Variants in ASH2L observed in about 807,000 individuals in gnomAD.
ASH2L encodes the protein ASH2 like, histone lysine methyltransferase complex subunit.
A neutral mutation model predicts 81.1 loss-of-function variants in ASH2L; 30 were observed. That is an observed-to-expected ratio of 0.37 (90% CI 0.28 to 0.50). The LOEUF (loss-of-function observed/expected upper bound fraction) is 0.50, where lower values mean the gene tolerates loss of function less well. ASH2L is among the 20% of genes least tolerant of loss of function. The probability of loss-of-function intolerance (pLI) is 0.95; values close to 1 mark genes in which losing one functional copy is unlikely to be tolerated. For missense variants in ASH2L, 559 were observed against 792.1 expected, an observed-to-expected ratio of 0.71 and a Z score of 3.53; for synonymous variants, 273 against 279.9, an observed-to-expected ratio of 0.98 and a Z score of 0.24.
chr8:38,133,391 G>T, intron 12 of ASH2L, 63 bp from the exon 13 acceptor site: 4 of 1,211,572 alleles, frequency 3.3e-6, no homozygotes, highest in Non-Finnish European at 4.8e-6. Flanking sequence ...GTGCGGATGC[G>T]TTTTTTTCAT....
chr8:38,124,730 C>T (rs1801765295), intron 10 of ASH2L: 1 of 152,168 alleles, frequency 6.6e-6, no homozygotes, highest in Admixed American at 6.5e-5. Context: ...CACATAATGG[C>T]CTGGTAATAA....
chr8:38,110,082 A>T (rs1810620702), intron 3 of ASH2L, among the ~76,000 whole-genome samples: 1 of 152,196 alleles, frequency 6.6e-6, no homozygotes, highest in South Asian at 2.1e-4. Flanking sequence ...AGGGGAATGG[A>T]TTCATGTTAA....
chr8:38,131,059 T>A (rs1310578198), intron 12 of ASH2L, among the ~76,000 whole-genome samples: 2 of 152,244 alleles, frequency 1.3e-5, no homozygotes, highest in African/African-American at 4.8e-5. Context: ...GATCTGTTTC[T>A]TGTCCTTTAT....
chr8:38,129,054 C>T (rs573386560), intron 12 of ASH2L, 103 bp downstream of exon 12: 50 of 1,478,400 alleles, frequency 3.4e-5, no homozygotes, highest in Admixed American at 1.3e-4. Flanking sequence ...CCACAGCTCA[C>T]GTTTTTTCCT....
chr8:38,114,172 T>G lies in ASH2L; in HGVS notation c.586-20T>G. On this transcript the variant is annotated intron_variant, in intron 5 of 15. Transcript: ENST00000343823. ...TCTTTGATTGCAGCAGTAATAGTCTTAATTTATTTTGAAAATTAGGATATT... is the reference window on the plus strand; with the variant it reads ...TCTTTGATTGCAGCAGTAATAGTCTGAATTTATTTTGAAAATTAGGATATT... 7.1e-7 allele frequency: 1 copy of G among 1,411,172 alleles called. No homozygotes were observed. Among genetic ancestry groups the G allele is most frequent in the Non-Finnish European group, 9.8e-7 (1 of 1,022,136 alleles). The allele number at this position is 1,411,172 out of a possible 1,614,324, so 87.4% of individuals were successfully genotyped here. A position where few individuals can be genotyped will look rare whatever the true frequency, so the allele number is the denominator to read the frequency against.
At chr8:38,112,956 A>G (rs890400868) in intron 5 of ASH2L, among the ~76,000 whole-genome samples, 6 of 150,314 alleles carry the variant, frequency 4.0e-5, no homozygotes, top group Non-Finnish European at 8.9e-5. Context: ...GTTATAGTCC[A>G]TTGTTGGAAT....
rs752033509 is a variant in ASH2L at position 38,138,850 on chromosome 8, C to G, written c.1754C>G (p.Pro585Arg). 6.2e-7 allele frequency: 1 copy of G among 1,614,166 alleles called. No homozygotes were observed. Among genetic ancestry groups the G allele is most frequent in the Non-Finnish European group, 8.5e-7 (1 of 1,180,028 alleles). The change falls in exon 15 of 16, where the codon CCT becomes CGT. Residue 585 changes from proline to arginine, a missense_variant. Pro to Arg is a moderately radical substitution (Grantham distance 103). Coordinates refer to ENST00000343823, the MANE Select transcript of ASH2L (RefSeq NM_004674.5). ...AACTTTGGACCATGCTTCAAGTATC[C>G]TCCGAAGGATCTCACTTACCGCCCT... ...SINFGPCFKY[P>R]PKDLTYRPMS...
intron 9 of ASH2L, 26 bp downstream of exon 9, chr8:38,119,389 C>G (rs989338156): frequency 1.3e-6 from 2 of 1,486,710 alleles, no homozygotes; most frequent in African/African-American, 1.4e-5. Flanking sequence ...ACCCTGCCCC[C>G]CTCACTATTT....
At chr8:38,116,957 C>T (rs768906510) in intron 8 of ASH2L, among the ~76,000 whole-genome samples, 3 of 152,214 alleles carry the variant, frequency 2.0e-5, no homozygotes, top group Non-Finnish European at 2.9e-5. Flanking sequence ...TAGCATAAGA[C>T]AAGGAACCAT....
chr8:38,112,043 A>G (rs760915999), intron 5 of ASH2L, among the ~76,000 whole-genome samples: 6 of 152,164 alleles, frequency 3.9e-5, no homozygotes, highest in East Asian at 1.9e-4. Flanking sequence ...GTTTTGCTCT[A>G]TTACCCAGCC....
chr8:38,134,937 A>G (rs1203825078), intron 13 of ASH2L, among the ~76,000 whole-genome samples: 1 of 152,176 alleles, frequency 6.6e-6, no homozygotes, highest in Non-Finnish European at 1.5e-5. Context: ...TAAGAGTCTT[A>G]GAGAACTTCA....
At chr8:38,106,502 TC>T (rs144328072) in intron 2 of ASH2L, 58 bp downstream of exon 2, 1 of 1,393,104 alleles carries the variant, frequency 7.2e-7, no homozygotes, top group Non-Finnish European at 9.9e-7. Context: ...TATTTCTTCT[TC>T]TTCTTTTTTT....
intron 10 of ASH2L, among the ~76,000 whole-genome samples, chr8:38,121,465 C>T (rs1230521316): frequency 6.7e-6 from 1 of 148,840 alleles, no homozygotes; most frequent in African/African-American, 2.5e-5. Context: ...CAAGCTTTTC[C>T]TAATGATAAT....
rs962273316 is a variant in ASH2L, at chr8:38,126,967, G to T, written c.1166-1324G>T. The stretch of plus-strand genomic sequence containing the variant: ...AAGGAGAGCAGATTGCTTGAGTTCA[G>T]GATTTGAGACCAGCCTGGGCAACTT... On this transcript the variant is annotated intron_variant, in intron 10 of 15. Transcript: ENST00000343823. Among the ~76,000 whole-genome samples, 37 of 151,992 alleles carry T rather than the reference G, an allele frequency of 2.4e-4. 1 individual carries two copies. The highest frequency in any genetic ancestry group is 8.9e-4 in the African/African-American group (37 of 41,374).
At chr8:38,136,906 A>G (rs1162907334) in intron 14 of ASH2L, among the ~76,000 whole-genome samples, 1 of 151,856 alleles carries the variant, frequency 6.6e-6, no homozygotes, top group Non-Finnish European at 1.5e-5. Flanking sequence ...AGCCTGGCCA[A>G]TGTGGTGAGA....
rs559556140 is a variant in ASH2L at position 38,125,236 on chromosome 8, G to C, written c.1166-3055G>C. Among the ~76,000 whole-genome samples, 3 of 152,202 alleles carry C rather than the reference G, an allele frequency of 2.0e-5. No individual in the cohort carries two copies. In the East Asian group the frequency reaches 5.8e-4, roughly 29 times the overall value. ...AACAGTTCAAGATTTTGCCATGTTTGCTTTATCTGTTTATTTCTTTTTCTT... is the reference window on the plus strand; with the variant it reads ...AACAGTTCAAGATTTTGCCATGTTTCCTTTATCTGTTTATTTCTTTTTCTT... On this transcript the variant is annotated intron_variant, in intron 10 of 15. Coordinates refer to ENST00000343823, the MANE Select transcript of ASH2L (RefSeq NM_004674.5).
chr8:38,107,205 A>G lies in ASH2L; in HGVS notation c.401+39A>G, dbSNP rs1207943022. On this transcript the variant is annotated intron_variant, in intron 3 of 15. Coordinates refer to ENST00000343823, the MANE Select transcript of ASH2L (RefSeq NM_004674.5). ...ATAGTTTTTGTGAGAATTGCTCGGT[A>G]AAATAAATCTGAACATGCTCAACAG... 1.9e-6 allele frequency: 3 copies of G among 1,609,626 alleles called. No individual in the cohort carries two copies. The Admixed American group carries it at 5.0e-5, about 27-fold the overall frequency.
intron 12 of ASH2L, among the ~76,000 whole-genome samples, chr8:38,132,780 C>A (rs1395507777): frequency 2.1e-5 from 3 of 143,090 alleles, no homozygotes; most frequent in African/African-American, 7.9e-5. Flanking sequence ...GCCTGGGTGA[C>A]AGAGTGAGAC....
At chr8:38,116,579 C>A (rs768717708) in intron 7 of ASH2L, 71 bp from the exon 8 acceptor site, 3 of 1,197,656 alleles carry the variant, frequency 2.5e-6, no homozygotes, top group Non-Finnish European at 1.2e-6. Flanking sequence ...GTTAGAATTT[C>A]TCTTGTTTTA....
Sources: gnomAD v4.1 joint callset for allele counts (sites outside exome capture counted in the v4.1 genomes callset) on GRCh38, gnomAD v4.1.1 for gene constraint, MANE v1.5 for transcripts, NCBI Gene and HGNC (gene_info 2026-07-23, HGNC 2026-07-21) for gene names.